GOLGB1: variants seen among roughly 807,000 people sequenced by gnomAD.
The protein encoded by GOLGB1 is golgin B1, also known as golgin subfamily B member 1.
GOLGB1 carries 174 observed loss-of-function variants against 336.9 expected under a neutral mutation model. The observed-to-expected ratio is 0.52, with a 90% CI of 0.46 to 0.59. The LOEUF is 0.59. Ranked by LOEUF, GOLGB1 falls within the 20% of genes least tolerant of loss-of-function variation. GOLGB1 has a pLI of 0.00. For missense variants in GOLGB1, 3,331 were observed against 3,645.3 expected, an observed-to-expected ratio of 0.91 and a Z score of 2.22; for synonymous variants, 1,208 against 1,289.2, an observed-to-expected ratio of 0.94 and a Z score of 1.35.
intron 20 of GOLGB1, among the ~76,000 whole-genome samples, chr3:121,665,862 T>C (rs535259732): frequency 1.3e-5 from 2 of 152,342 alleles, no homozygotes; most frequent in South Asian, 2.1e-4. Context: ...GGACACATTC[T>C]TTTCCCCGGG....
chr3:121,694,489 C>T lies in GOLGB1; in HGVS notation c.6034G>A (p.Ala2012Thr), dbSNP rs376832723. The part of the protein sequence containing the change: ...AQKEPGNKSH[A>T]KELQELLKEK... ...TTTAACAGTTCCTGAAGTTCCTTTGCATGGCTTTTATTTCCGGGTTCTTTC... is the reference window on the plus strand; with the variant it reads ...TTTAACAGTTCCTGAAGTTCCTTTGTATGGCTTTTATTTCCGGGTTCTTTC... The change falls in exon 13 of 22, where the codon GCA (alanine) becomes ACA (threonine). Residue 2012 changes from alanine to threonine, a missense_variant. Ala to Thr is a moderately conservative substitution (Grantham distance 58). Transcript: ENST00000614479. 2 of 1,611,322 alleles carry T rather than the reference C, an allele frequency of 1.2e-6. No homozygotes were observed. The highest frequency in any genetic ancestry group is 2.7e-5 in the African/African-American group (2 of 74,628).
chr3:121,710,585 T>A (rs1482117822), intron 10 of GOLGB1, among the ~76,000 whole-genome samples: 2 of 152,238 alleles, frequency 1.3e-5, no homozygotes, highest in Non-Finnish European at 2.9e-5. Flanking sequence ...ATGCCTATAA[T>A]TCCAGCATTT....
intron 3 of GOLGB1, 29 bp from the exon 4 acceptor site, chr3:121,729,369 T>A (rs1945910784): frequency 1.3e-6 from 2 of 1,564,776 alleles, no homozygotes; most frequent in Admixed American, 1.7e-5. Flanking sequence ...GGTAAATACA[T>A]AAATGTTTAT....
chr3:121,739,582 G>A (rs928558504), intron 1 of GOLGB1, among the ~76,000 whole-genome samples: 1 of 151,656 alleles, frequency 6.6e-6, no homozygotes, highest in African/African-American at 2.4e-5. Flanking sequence ...ACAAGAAAAT[G>A]AGTAAATATA....
chr3:121,667,296 T>G (rs1938759131), intron 20 of GOLGB1, among the ~76,000 whole-genome samples, 180 bp downstream of exon 20: 1 of 152,180 alleles, frequency 6.6e-6, no homozygotes, highest in Non-Finnish European at 1.5e-5. Context: ...AAACACTGAC[T>G]CTCTTATACT....
chr3:121,737,004 A>G (rs968185869), intron 1 of GOLGB1, among the ~76,000 whole-genome samples: 1 of 152,226 alleles, frequency 6.6e-6, no homozygotes, highest in Non-Finnish European at 1.5e-5. Context: ...AATGAAGTCT[A>G]CCTATAGTTT....
intron 4 of GOLGB1, among the ~76,000 whole-genome samples, chr3:121,727,281 T>TACAC (rs143434684): frequency 1.0e-5 from 1 of 98,144 alleles, no homozygotes; most frequent in Non-Finnish European, 1.9e-5. Context: ...GTGAAATACA[T>TACAC]ACACACACAC....
chr3:121,700,185 C>G (rs1312702579), intron 11 of GOLGB1, among the ~76,000 whole-genome samples: 1 of 152,014 alleles, frequency 6.6e-6, no homozygotes, highest in Non-Finnish European at 1.5e-5. Context: ...GTGGCATAAT[C>G]TGGAACTTCT....
At chr3:121,747,979 C>A (rs9817818) in intron 1 of GOLGB1, among the ~76,000 whole-genome samples, 34,901 of 151,588 alleles carry the variant, frequency 0.23, 4,298 homozygotes, top group East Asian at 0.46. Context: ...TAGTAATTAA[C>A]CTAGAGAAAT....
At chr3:121,686,005 T>G (rs1308166609) in intron 14 of GOLGB1, among the ~76,000 whole-genome samples, 1 of 152,200 alleles carries the variant, frequency 6.6e-6, no homozygotes, top group African/African-American at 2.4e-5. Context: ...GGACTGCATT[T>G]TAGCTCCTTG....
At chr3:121,718,978 A>G (rs1576420517) in intron 7 of GOLGB1, among the ~76,000 whole-genome samples, 2 of 152,342 alleles carry the variant, frequency 1.3e-5, no homozygotes, top group Non-Finnish European at 2.9e-5. Context: ...ATTCTACTTA[A>G]TAATATGTTG....
intron 17 of GOLGB1, among the ~76,000 whole-genome samples, chr3:121,673,937 T>A (rs943064414): frequency 2.0e-5 from 3 of 152,128 alleles, no homozygotes; most frequent in African/African-American, 4.8e-5. Flanking sequence ...GCAAGACTGG[T>A]CTCAAACTCC....
chr3:121,667,487 C>A lies in GOLGB1; in HGVS notation c.9543G>T (p.Glu3181Asp). 6.2e-7 allele frequency: 1 copy of A among 1,613,966 alleles called. No homozygotes were observed. Among genetic ancestry groups the A allele is most frequent in the Non-Finnish European group, 8.5e-7 (1 of 1,179,882 alleles). Residue 3181 changes from glutamate (E) to aspartate (D), a missense_variant, in exon 20 of 22, where the codon GAG becomes GAT. Physicochemically the swap from Glu to Asp is conservative, Grantham distance 45. Coordinates refer to ENST00000614479, the MANE Select transcript of GOLGB1 (RefSeq NM_001366282.2). ...CCTTCAGCCTTTACCGTCTGATCTG[C>A]TCCTCGGCCACAGAGAGAGCATTCT... is the stretch of plus-strand genomic sequence containing the variant. Reference protein sequence around the residue: ...AAENALSVAEEQIRRLEHSEW... With the variant: ...AAENALSVAEDQIRRLEHSEW...
At chr3:121,673,485 A>AT in intron 17 of GOLGB1, among the ~76,000 whole-genome samples, 1 of 152,168 alleles carries the variant, frequency 6.6e-6, no homozygotes, top group Middle Eastern at 3.4e-3. Flanking sequence ...TTTGATAGGG[A>AT]TTGCATTTAA....
At chr3:121,667,370 AAG>A in intron 20 of GOLGB1, 104 bp downstream of exon 20, 1 of 1,222,936 alleles carries the variant, frequency 8.2e-7, no homozygotes, top group East Asian at 2.3e-5. Flanking sequence ...CAACTACCTC[AAG>A]ATGAGAAAAA....
intron 5 of GOLGB1, among the ~76,000 whole-genome samples, chr3:121,724,561 G>T (rs954346182): frequency 1.0e-4 from 11 of 105,082 alleles, no homozygotes; most frequent in Admixed American, 1.7e-4. Flanking sequence ...AGAAAACAGA[G>T]CAAAAAAAAA....
chr3:121,711,264 T>C (rs191635118), intron 10 of GOLGB1, among the ~76,000 whole-genome samples: 1 of 151,602 alleles, frequency 6.6e-6, no homozygotes, highest in Admixed American at 6.6e-5. Context: ...CATAGAAGAA[T>C]CACATAGCCT....
In GOLGB1 at chr3:121,730,863, C is replaced by T. The variant is rs770202173; in HGVS notation, c.96+13G>A. On this transcript the variant is annotated intron_variant, in intron 2 of 21. Transcript: ENST00000614479. ...TATGTCTTACCAGTTTAAATCAGAA[C>T]AGAACTACTCACAGGGTCTAGGGGA... 8.7e-5 allele frequency: 140 copies of T among 1,605,040 alleles called. 1 individual carries two copies. The South Asian group carries it at 1.6e-3, about 18-fold the overall frequency.
chr3:121,701,634 GA>G (rs1943419823), intron 11 of GOLGB1, among the ~76,000 whole-genome samples: 1 of 152,102 alleles, frequency 6.6e-6, no homozygotes, highest in East Asian at 1.9e-4. Context: ...TAAGTGGAAG[GA>G]GACACGTCTT....
Sources: allele counts gnomAD v4.1 joint callset (sites outside exome capture counted in the v4.1 genomes callset), GRCh38; gene constraint gnomAD v4.1.1; transcripts MANE v1.5; gene names NCBI Gene and HGNC (gene_info 2026-07-23, HGNC 2026-07-21).